The following NUDT16L1 variants were observed in gnomAD, a reference collection of about 807,000 sequenced individuals.
The protein encoded by NUDT16L1 is tudor-interacting repair regulator protein.
Under a neutral mutation model 17.3 loss-of-function variants are expected in NUDT16L1, and 19 were observed. The ratio of observed to expected loss-of-function variants is 1.10; its 90% CI spans 0.77 to 1.61. The LOEUF (loss-of-function observed/expected upper bound fraction) is 1.61. NUDT16L1 is among the 40% of genes most tolerant of loss of function. NUDT16L1 has a pLI of 0.00. For synonymous variants in NUDT16L1, 255 were observed against 138.6 expected (o/e 1.84, Z -5.90); for missense variants, 341 against 292.0 (o/e 1.17, Z -1.22).
chr16:4,694,366 C>T (rs1464957589), intron 2 of NUDT16L1, 128 bp downstream of exon 2: 8 of 1,235,306 alleles, frequency 6.5e-6, no homozygotes, highest in Non-Finnish European at 6.3e-6. Flanking sequence ...CTGTCTCCAG[C>T]AATGGGGTGG....
At chr16:4,694,834 C>T in intron 2 of NUDT16L1, 124 bp from the exon 3 acceptor site, 2 of 1,459,322 alleles carry the variant, frequency 1.4e-6, no homozygotes, top group East Asian at 2.5e-5. Context: ...CTGCGTGGGT[C>T]TCCCATTAAG....
At chr16:4,695,843 GCT>G (rs1191212551) in exon 3 of NUDT16L1, 2 of 339,478 alleles carry the variant, frequency 5.9e-6, no homozygotes, top group Admixed American at 4.8e-5. Context: ...CTCCGCAGCT[GCT>G]CTGTGTGTTT....
intron 2 of NUDT16L1, 177 bp from the exon 3 acceptor site, chr16:4,694,781 G>C (rs1266419682): frequency 1.4e-6 from 2 of 1,437,086 alleles, no homozygotes; most frequent in Admixed American, 5.5e-5. Flanking sequence ...GGGGAGGAGG[G>C]GGCTGCACTG....
At chr16:4,694,373 G>A in intron 2 of NUDT16L1, 135 bp downstream of exon 2, 2 of 1,483,672 alleles carry the variant, frequency 1.3e-6, no homozygotes, top group African/African-American at 1.4e-5. Context: ...CAGCAATGGG[G>A]TGGGGAGAGG....
rs183951331 is a variant in NUDT16L1 at position 4,695,427 on chromosome 16, T to G, written c.*248T>G. Reference sequence around the variant, plus strand: ...GCCTGCCTCTCCAGCCTCAGGATGCTCTTGTTTATTCTGGGCTCAGACCCT... The same window carrying G: ...GCCTGCCTCTCCAGCCTCAGGATGCGCTTGTTTATTCTGGGCTCAGACCCT... On this transcript the variant is annotated 3_prime_UTR_variant, in exon 3 of 3. Coordinates refer to ENST00000304301, the Ensembl canonical transcript of NUDT16L1. 4.8e-3 allele frequency: 2,863 copies of G among 594,156 alleles called. 12 individuals carry two copies. The highest frequency in any genetic ancestry group is 5.9e-3 in the South Asian group (285 of 48,576). The allele number at this position is 594,156 out of a possible 1,614,324, so 36.8% of individuals were successfully genotyped here.
exon 1 of NUDT16L1, chr16:4,693,766 C>T: frequency 6.4e-7 from 1 of 1,561,660 alleles, no homozygotes; most frequent in Non-Finnish European, 8.6e-7. Context: ...GCAGATCAGC[C>T]GGGTGGAGGC....
intron 2 of NUDT16L1, chr16:4,694,684 C>CG (rs2079497475): frequency 1.9e-5 from 19 of 1,021,070 alleles, no homozygotes; most frequent in Middle Eastern, 7.1e-4. Flanking sequence ...GTTGGGTGGA[C>CG]GGGGGGAGCA....
chr16:4,694,552 G>A (rs1373093528), intron 2 of NUDT16L1: 1 of 1,456,720 alleles, frequency 6.9e-7, no homozygotes, highest in East Asian at 2.5e-5. Flanking sequence ...GATTGCTTGG[G>A]GAGTTGGGAA....
exon 3 of NUDT16L1, chr16:4,695,532 C>T (rs1262896262): frequency 2.0e-6 from 1 of 493,402 alleles, no homozygotes; most frequent in Non-Finnish European, 3.6e-6. Context: ...AGCTCTGGGA[C>T]CACTCAGAAG....
intron 1 of NUDT16L1, 25 bp from the exon 2 acceptor site, chr16:4,693,953 G>T (rs765637426): frequency 1.3e-6 from 2 of 1,523,722 alleles, no homozygotes; most frequent in East Asian, 2.6e-5. Flanking sequence ...TCGACCCCGC[G>T]GCTGTGACCC....
intron 2 of NUDT16L1, chr16:4,694,501 GA>G: frequency 6.6e-7 from 1 of 1,515,360 alleles, no homozygotes; most frequent in Non-Finnish European, 8.8e-7. Flanking sequence ...GGGAGTGGGG[GA>G]GTGGGATCGG....
exon 3 of NUDT16L1, chr16:4,695,677 A>ATTTAC (rs1596331913): frequency 2.5e-6 from 1 of 404,142 alleles, no homozygotes; most frequent in Non-Finnish European, 4.4e-6. Flanking sequence ...TTGTTGTTGG[A>ATTTAC]TTTACTTTGC....
At chr16:4,695,332 A>AG in exon 3 of NUDT16L1, 1 of 799,006 alleles carries the variant, frequency 1.3e-6, no homozygotes, top group Non-Finnish European at 1.9e-6. Context: ...AGCAGTCACT[A>AG]GGTGGCGGCC....
At chr16:4,694,759 C>T (rs2079501168) in intron 2 of NUDT16L1, 199 bp from the exon 3 acceptor site, 1 of 1,430,682 alleles carries the variant, frequency 7.0e-7, no homozygotes, top group Non-Finnish European at 9.1e-7. Flanking sequence ...GGGTCAGCCT[C>T]CACACTTGCT....
exon 3 of NUDT16L1, chr16:4,695,268 C>G: frequency 7.5e-7 from 1 of 1,329,608 alleles, no homozygotes; most frequent in East Asian, 2.4e-5. Flanking sequence ...GTGTGTACCC[C>G]GCTTCTGACT....
rs2079494848 is a variant in NUDT16L1 at position 4,694,619 on chromosome 16, CT to C, written c.415-337del. 15 of 1,424,328 alleles carry C rather than the reference CT, an allele frequency of 1.1e-5. No homozygotes were observed. In the South Asian group the frequency reaches 1.8e-4, roughly 17 times the overall value. 88.2% of individuals were successfully genotyped at this position (1,424,328 alleles called of 1,614,324 possible). ...GAACCTCATGTTGGGCGTGAAGGCT[CT>C]TGGGATTTGTACTTTGTGGTCTGGA... On this transcript the variant is annotated intron_variant, in intron 2 of 2. Coordinates refer to ENST00000304301, the Ensembl canonical transcript of NUDT16L1.
chr16:4,694,653 G>C, intron 2 of NUDT16L1: 1 of 1,421,658 alleles, frequency 7.0e-7, no homozygotes, highest in Non-Finnish European at 9.2e-7. Flanking sequence ...GGAAGGGCTG[G>C]ACTGCGGGTG....
At chr16:4,694,751 G>C in intron 2 of NUDT16L1, 1 of 1,429,086 alleles carries the variant, frequency 7.0e-7, no homozygotes, top group Non-Finnish European at 9.1e-7. Flanking sequence ...AGTGCATGGG[G>C]TCAGCCTCCA....
chr16:4,695,417 C>T (rs1479312046), exon 3 of NUDT16L1: 2 of 595,324 alleles, frequency 3.4e-6, no homozygotes, highest in East Asian at 2.8e-5. Flanking sequence ...CCTCTCCAGC[C>T]TCAGGATGCT....
Sources: gnomAD v4.1 joint callset for allele counts on GRCh38, gnomAD v4.1.1 for gene constraint, MANE v1.5 for transcripts, NCBI Gene and HGNC (gene_info 2026-07-23, HGNC 2026-07-21) for gene names.